The following BRD10 variants were observed in gnomAD, a reference collection of about 807,000 sequenced individuals.
The protein encoded by BRD10 is bromodomain containing 10, also known as uncharacterized bromodomain-containing protein 10.
the BRD10 span, among the ~76,000 whole-genome samples, chr9:5,997,961 CACTT>C: frequency 3.3e-5 from 5 of 152,194 alleles, no homozygotes; most frequent in African/African-American, 9.6e-5. Context: ...CAGTCAAGAA[CACTT>C]ACTTAAGTGG....
chr9:6,002,537 G>C, the BRD10 span, among the ~76,000 whole-genome samples: 7 of 152,108 alleles, frequency 4.6e-5, no homozygotes, highest in Admixed American at 2.0e-4. Flanking sequence ...TACTTTATAG[G>C]TTTTGATCTT....
At chr9:5,946,446 G>T in the BRD10 span, among the ~76,000 whole-genome samples, 1 of 152,016 alleles carries the variant, frequency 6.6e-6, no homozygotes, top group African/African-American at 2.4e-5. Context: ...TCAAGCAGTG[G>T]ACTGGCCAAC....
At chr9:5,955,346 C>T in the BRD10 span, among the ~76,000 whole-genome samples, 2 of 152,086 alleles carry the variant, frequency 1.3e-5, no homozygotes, top group South Asian at 2.1e-4. Flanking sequence ...ATTTTTAGTT[C>T]ACAATCATTT....
At chr9:5,888,479 T>C in the BRD10 span, among the ~76,000 whole-genome samples, 1 of 152,250 alleles carries the variant, frequency 6.6e-6, no homozygotes, top group Non-Finnish European at 1.5e-5. Context: ...ACTATGGAAA[T>C]GTTGGACAAA....
At chr9:5,908,745 T>C in the BRD10 span, 1 of 1,577,964 alleles carries the variant, frequency 6.3e-7, no homozygotes, top group Non-Finnish European at 8.7e-7. Context: ...TGAAATTATT[T>C]CTCTCACACT....
At chr9:5,907,868 A>C in the BRD10 span, among the ~76,000 whole-genome samples, 4 of 152,164 alleles carry the variant, frequency 2.6e-5, no homozygotes, top group Non-Finnish European at 5.9e-5. Flanking sequence ...CAGGAGAATC[A>C]CTTGAACCCG....
the BRD10 span, chr9:5,920,115 T>G: frequency 1.1e-5 from 18 of 1,613,828 alleles, no homozygotes; most frequent in Admixed American, 3.3e-5. Flanking sequence ...GTAGGGCTTC[T>G]TAGAGGATGT....
At chr9:5,967,202 T>C in the BRD10 span, among the ~76,000 whole-genome samples, 2 of 152,112 alleles carry the variant, frequency 1.3e-5, no homozygotes, top group Admixed American at 6.5e-5. Context: ...CTTTTTTTTT[T>C]CCAATCAAGC....
At chr9:5,921,076 A>C in the BRD10 span, 8 of 1,613,810 alleles carry the variant, frequency 5.0e-6, no homozygotes, top group African/African-American at 1.1e-4. Context: ...CCACTGATTC[A>C]TTAACAGGGG....
the BRD10 span, among the ~76,000 whole-genome samples, chr9:5,992,953 G>T: frequency 2.0e-5 from 3 of 151,950 alleles, no homozygotes; most frequent in Admixed American, 6.5e-5. Context: ...CAAAAACAAT[G>T]TACATGTGTC....
At chr9:5,936,598 T>C in the BRD10 span, among the ~76,000 whole-genome samples, 14 of 152,198 alleles carry the variant, frequency 9.2e-5, no homozygotes, top group African/African-American at 2.9e-4. Flanking sequence ...CAATATATGA[T>C]GTATAATTTT....
the BRD10 span, among the ~76,000 whole-genome samples, chr9:5,953,712 A>T: frequency 6.6e-6 from 1 of 151,672 alleles, no homozygotes; most frequent in South Asian, 2.1e-4. Flanking sequence ...ACACACACAC[A>T]TATACTATAT....
At chr9:5,889,748 G>A in the BRD10 span, among the ~76,000 whole-genome samples, 1 of 151,988 alleles carries the variant, frequency 6.6e-6, no homozygotes, top group Non-Finnish European at 1.5e-5. Flanking sequence ...TCCTGCCACT[G>A]CACTCCAGCC....
chr9:5,934,814 C>T, the BRD10 span, among the ~76,000 whole-genome samples: 2 of 152,080 alleles, frequency 1.3e-5, no homozygotes, highest in East Asian at 3.8e-4. Flanking sequence ...CTAACTATAT[C>T]CAAAGGTATA....
the BRD10 span, among the ~76,000 whole-genome samples, chr9:5,970,830 C>T: frequency 3.5e-3 from 534 of 152,136 alleles, 5 homozygotes; most frequent in African/African-American, 7.4e-3. Context: ...GCGAGTGGAT[C>T]ATCTGAGGTC....
At chr9:6,004,738 C>T in the BRD10 span, among the ~76,000 whole-genome samples, 17 of 152,248 alleles carry the variant, frequency 1.1e-4, no homozygotes, top group African/African-American at 3.9e-4. Context: ...AATCACACTC[C>T]CATGAACACT....
At chr9:5,879,899 T>C in the BRD10 span, among the ~76,000 whole-genome samples, 1 of 152,136 alleles carries the variant, frequency 6.6e-6, no homozygotes, top group African/African-American at 2.4e-5. Context: ...TTTTTTAATG[T>C]AACAAGACAA....
chr9:5,948,441 T>A, the BRD10 span, among the ~76,000 whole-genome samples: 1 of 152,038 alleles, frequency 6.6e-6, no homozygotes, highest in African/African-American at 2.4e-5. Context: ...AAAGGTCCTC[T>A]CTTCAACTCA....
chr9:5,998,435 T>C, the BRD10 span, among the ~76,000 whole-genome samples: 3 of 152,128 alleles, frequency 2.0e-5, no homozygotes, highest in African/African-American at 7.2e-5. Flanking sequence ...TTGCAAATAC[T>C]GTCAATCCTA....
Sources: gnomAD v4.1 joint callset for allele counts (sites outside exome capture counted in the v4.1 genomes callset) on GRCh38, gnomAD v4.1.1 for gene constraint, MANE v1.5 for transcripts, NCBI Gene and HGNC (gene_info 2026-07-23, HGNC 2026-07-21) for gene names.